Variants in ELAVL4 observed in about 807,000 individuals in gnomAD.
The protein encoded by ELAVL4 is ELAV-like protein 4.
In ELAVL4, 1 loss-of-function variant was observed where a neutral mutation model predicts 35.6. That is an observed-to-expected ratio of 0.03 (90% CI 0.01 to 0.13). ELAVL4 has a LOEUF of 0.13. Among genes scored for constraint, ELAVL4 ranks in the 10% least tolerant of loss-of-function variants. ELAVL4 has a pLI of 1.00. For synonymous variants in ELAVL4, 156 were observed against 171.0 expected (o/e 0.91, Z 0.69); for missense variants, 267 against 464.9 (o/e 0.57, Z 3.91).
chr1:50,099,575 A>AAAAAAGAAAG (rs1338855519), upstream of ELAVL4, among the ~76,000 whole-genome samples: 1 of 151,792 alleles, frequency 6.6e-6, no homozygotes, highest in Non-Finnish European at 1.5e-5. Flanking sequence ...AAAAAAAAAA[A>AAAAAAGAAAG]AAAAAGAAAG....
At chr1:50,151,393 A>G (rs569224883) in intron 2 of ELAVL4, among the ~76,000 whole-genome samples, 22 of 152,336 alleles carry the variant, frequency 1.4e-4, no homozygotes, top group Non-Finnish European at 4.4e-5. Flanking sequence ...TAGCTAAACA[A>G]AGAAGACTAG....
chr1:50,061,248 C>T (rs904615501), intron 1 of ELAVL4, among the ~76,000 whole-genome samples: 1 of 152,150 alleles, frequency 6.6e-6, no homozygotes, highest in Non-Finnish European at 1.5e-5. Flanking sequence ...CTTTGCTGGG[C>T]TTGAATAGTG....
Position 50,202,654 on chromosome 1 carries a change from A to T in ELAVL4, c.*1476A>T, listed in dbSNP as rs1362920418. On this transcript the variant is annotated 3_prime_UTR_variant, in exon 7 of 7. Transcript: ENST00000371824. The stretch of plus-strand genomic sequence containing the variant: ...TATTGTGTCATTCTGTTGTGTGTGT[A>T]TGTGTATATACAATATAAATATATA... 2 of 151,998 alleles carry T rather than the reference A, an allele frequency of 1.3e-5. No individual in the cohort carries two copies. Among genetic ancestry groups the T allele is most frequent in the African/African-American group, 4.8e-5 (2 of 41,432 alleles). The allele number at this position is 151,998 out of a possible 1,614,324, so 9.4% of individuals were successfully genotyped here.
In ELAVL4 at chr1:50,059,621, A is replaced by G. The variant is rs1240025075; in HGVS notation, c.18+11439A>G. On this transcript the variant is annotated intron_variant, in intron 1 of 6. Transcript: ENST00000448907. ...CTTTCAGTCCTTGGCATATATACCC[A>G]AAGGAATAGAAAACAAGTATTCAAG... Among the ~76,000 whole-genome samples, 3 of 152,178 alleles carry G rather than the reference A, an allele frequency of 2.0e-5. No individual in the cohort carries two copies. The South Asian group carries it at 6.2e-4, about 32-fold the overall frequency.
intron 1 of ELAVL4, chr1:50,144,565 A>G (rs1673358466): frequency 2.1e-6 from 1 of 474,202 alleles, no homozygotes; most frequent in Non-Finnish European, 4.1e-6. Context: ...AGTCCTCTAT[A>G]TTTAGCTTTT....
At chr1:50,114,242 G>T (rs1667565643) in intron 1 of ELAVL4, among the ~76,000 whole-genome samples, 1 of 152,002 alleles carries the variant, frequency 6.6e-6, no homozygotes. Context: ...ATATGTATGG[G>T]GGGCGGTGGG....
intron 1 of ELAVL4, among the ~76,000 whole-genome samples, chr1:50,062,435 G>C (rs995739890): frequency 1.3e-5 from 2 of 152,000 alleles, no homozygotes; most frequent in Non-Finnish European, 2.9e-5. Context: ...CCCAAATTGA[G>C]TTGGGCATGA....
intron 1 of ELAVL4, among the ~76,000 whole-genome samples, chr1:50,058,214 G>T (rs1002493345): frequency 6.6e-6 from 1 of 152,146 alleles, no homozygotes; most frequent in Non-Finnish European, 1.5e-5. Context: ...ATGATGTTCT[G>T]TGGGAGACGT....
chr1:50,121,673 T>C (rs1473895984), intron 1 of ELAVL4, among the ~76,000 whole-genome samples: 1 of 152,100 alleles, frequency 6.6e-6, no homozygotes, highest in African/African-American at 2.4e-5. Flanking sequence ...AACAGTCAGC[T>C]TTTTTAGAAC....
At chr1:50,067,546 G>A (rs1664319933) in intron 1 of ELAVL4, among the ~76,000 whole-genome samples, 2 of 152,282 alleles carry the variant, frequency 1.3e-5, no homozygotes, top group Middle Eastern at 3.4e-3. Context: ...TAGTCAGAAA[G>A]ATATAGGTAA....
chr1:50,164,732 C>T (rs79397398), intron 2 of ELAVL4, among the ~76,000 whole-genome samples: 4,074 of 152,282 alleles, frequency 0.027, 71 homozygotes, highest in Non-Finnish European at 0.043. Flanking sequence ...TTCCGCTTAC[C>T]AACTTCCTAT....
chr1:50,103,333 T>G (rs1357599738), upstream of ELAVL4, among the ~76,000 whole-genome samples: 2 of 152,188 alleles, frequency 1.3e-5, no homozygotes, highest in African/African-American at 4.8e-5. Flanking sequence ...GACAGTGAAT[T>G]TCTGATAGAC....
chr1:50,164,859 T>C (rs138733462), intron 2 of ELAVL4, among the ~76,000 whole-genome samples: 134 of 152,306 alleles, frequency 8.8e-4, no homozygotes, highest in Non-Finnish European at 1.6e-3. Context: ...TGTGAATAGA[T>C]AATATTCATT....
At chr1:50,138,502 C>T (rs1242093980) in intron 1 of ELAVL4, among the ~76,000 whole-genome samples, 1 of 151,896 alleles carries the variant, frequency 6.6e-6, no homozygotes, top group Non-Finnish European at 1.5e-5. Flanking sequence ...CTCTGTCACC[C>T]AGGCTGGAGT....
chr1:50,060,448 A>T (rs1663900205), intron 1 of ELAVL4, among the ~76,000 whole-genome samples: 2 of 152,206 alleles, frequency 1.3e-5, no homozygotes, highest in Admixed American at 6.5e-5. Context: ...ATCAGGAATC[A>T]TAAGTGATGT....
chr1:50,109,242 G>A (rs1666656776), intron 1 of ELAVL4, 44 bp downstream of exon 1: 1 of 1,599,588 alleles, frequency 6.3e-7, no homozygotes, highest in Non-Finnish European at 8.5e-7. Context: ...TGTTGCTGGA[G>A]GGAAGAAAAG....
At chr1:50,113,624 A>G (rs1428055685) in intron 1 of ELAVL4, among the ~76,000 whole-genome samples, 3 of 152,000 alleles carry the variant, frequency 2.0e-5, no homozygotes, top group Admixed American at 6.6e-5. Flanking sequence ...TTTTTTCCCA[A>G]TGTCATTGGG....
At chr1:50,082,686 T>C (rs1455768253) in intron 1 of ELAVL4, among the ~76,000 whole-genome samples, 3 of 152,232 alleles carry the variant, frequency 2.0e-5, no homozygotes, top group African/African-American at 7.2e-5. Flanking sequence ...TTGTCTCCAT[T>C]AGAGCACTCT....
At chr1:50,106,263 G>A (rs1362654388), upstream of ELAVL4, 45 of 1,578,000 alleles carry the variant, frequency 2.9e-5, no homozygotes, top group Non-Finnish European at 3.7e-5. Context: ...GGGAAAGCTG[G>A]CTGCCGGCGA....
Sources: gnomAD v4.1 joint callset for allele counts (sites outside exome capture counted in the v4.1 genomes callset) on GRCh38, gnomAD v4.1.1 for gene constraint, MANE v1.5 for transcripts, NCBI Gene and HGNC (gene_info 2026-07-23, HGNC 2026-07-21) for gene names.